KIF13B: variants seen among roughly 807,000 people sequenced by gnomAD.
KIF13B encodes kinesin family member 13B, also known as kinesin-like protein KIF13B.
Under a neutral mutation model 222.0 loss-of-function variants are expected in KIF13B, and 127 were observed. The ratio of observed to expected loss-of-function variants is 0.57; its 90% CI spans 0.50 to 0.66. The LOEUF is 0.66. Among genes scored for constraint, KIF13B ranks in the 30% least tolerant of loss-of-function variants. The pLI is 0.00. For missense variants in KIF13B, 2,173 were observed against 2,379.0 expected (o/e 0.91, Z 1.80); for synonymous variants, 976 against 919.0 (o/e 1.06, Z -1.12).
chr8:29,177,103 T>G (rs773548971), intron 9 of KIF13B, among the ~76,000 whole-genome samples: 8 of 152,132 alleles, frequency 5.3e-5, no homozygotes, highest in Non-Finnish European at 8.8e-5. Flanking sequence ...GCCATGGTTG[T>G]TGAAAGTGAG....
intron 24 of KIF13B, among the ~76,000 whole-genome samples, chr8:29,129,876 C>T (rs1008014961): frequency 6.6e-6 from 1 of 152,152 alleles, no homozygotes; most frequent in Non-Finnish European, 1.5e-5. Context: ...TCACACTAAT[C>T]TCATGAAGGT....
At chr8:29,138,383 C>T (rs1197029260) in intron 21 of KIF13B, 4 of 149,760 alleles carry the variant, frequency 2.7e-5, no homozygotes, top group African/African-American at 9.8e-5. Flanking sequence ...AGAGATGCAA[C>T]ATTTATCCTT....
intron 36 of KIF13B, among the ~76,000 whole-genome samples, chr8:29,097,588 C>A (rs1465679838): frequency 6.6e-6 from 1 of 151,768 alleles, no homozygotes; most frequent in Non-Finnish European, 1.5e-5. Flanking sequence ...AGATTACCCC[C>A]AAAAATAAAA....
intron 2 of KIF13B, among the ~76,000 whole-genome samples, chr8:29,203,856 T>C (rs1371782395): frequency 1.6e-5 from 2 of 128,920 alleles, no homozygotes; most frequent in Non-Finnish European, 3.1e-5. Context: ...ATCACACCAC[T>C]GCACTCCAGC....
chr8:29,181,684 C>T (rs1462531521), intron 7 of KIF13B, among the ~76,000 whole-genome samples: 2 of 152,166 alleles, frequency 1.3e-5, no homozygotes, highest in African/African-American at 2.4e-5. Context: ...GATTCCAAAC[C>T]CACTTTAGAT....
intron 5 of KIF13B, among the ~76,000 whole-genome samples, chr8:29,187,213 A>G (rs1355351303): frequency 6.6e-6 from 1 of 152,298 alleles, no homozygotes; most frequent in East Asian, 1.9e-4. Context: ...AAACTAAAGA[A>G]TAATCTTTTT....
At chr8:29,189,094 T>C (rs1813066190) in intron 4 of KIF13B, among the ~76,000 whole-genome samples, 1 of 152,054 alleles carries the variant, frequency 6.6e-6, no homozygotes, top group Admixed American at 6.6e-5. Flanking sequence ...GCCTGGAAAT[T>C]TCCCTCAGCT....
chr8:29,123,284 C>T (rs762704957), intron 28 of KIF13B, 82 bp downstream of exon 28: 128 of 1,523,154 alleles, frequency 8.4e-5, no homozygotes, highest in Admixed American at 1.8e-4. Flanking sequence ...TTCCATTAAC[C>T]GTAGCACACG....
chr8:29,251,945 TCAAGCTTTACAGTACTCAGAAC>T (rs1258518907), intron 1 of KIF13B, among the ~76,000 whole-genome samples: 1 of 147,824 alleles, frequency 6.8e-6, no homozygotes, highest in Admixed American at 6.9e-5. Context: ...TCATGAGTAA[TCAAGCTTTACAGTACTCAGAAC>T]CACAAATGCT....
chr8:29,115,099 T>G (rs1809532280), intron 31 of KIF13B, among the ~76,000 whole-genome samples: 1 of 152,168 alleles, frequency 6.6e-6, no homozygotes, highest in Admixed American at 6.5e-5. Flanking sequence ...TTTCAAAGAT[T>G]GATATCAGTG....
At position 29,072,033 on chromosome 8, in the gene KIF13B, TC is replaced by T; in HGVS notation, c.4804del (p.Glu1602SerfsTer27). On this transcript the variant is annotated frameshift_variant, in exon 39 of 40. Coordinates refer to ENST00000524189, the MANE Select transcript of KIF13B (RefSeq NM_015254.4). LOFTEE classifies it high-confidence loss of function. Reference protein sequence around the residue: ...PGSMPTAPEAEPEAPISHPPP... With the variant: ...PGSMPTAPEAXPEAPISHPPP... ...GGGGTGGCTGATGGGCGCCTCGGGC[TC>T]GGCCTCAGGGGCGGTGGGCATGGAC... 7.7e-7 allele frequency: 1 copy of T among 1,297,078 alleles called. No individual in the cohort carries two copies. The highest frequency in any genetic ancestry group is 2.5e-5 in the South Asian group (1 of 40,286). The allele number at this position is 1,297,078 out of a possible 1,614,324, so 80.3% of individuals were successfully genotyped here.
intron 12 of KIF13B, among the ~76,000 whole-genome samples, chr8:29,163,260 A>G (rs1387915261): frequency 6.6e-6 from 1 of 152,248 alleles, no homozygotes; most frequent in East Asian, 1.9e-4. Flanking sequence ...AACAGGGACT[A>G]AAACTATACA....
chr8:29,155,861 GA>G lies in KIF13B; in HGVS notation c.1405-6del. On this transcript the variant is annotated splice_polypyrimidine_tract_variant and splice_region_variant and intron_variant, in intron 13 of 39. Transcript: ENST00000524189. ...TGACCCTATCAATGTATGTTCCTAA[GA>G]AAAAACCAAATTCACTGATTAATAC... 2 of 1,561,766 alleles carry G rather than the reference GA, an allele frequency of 1.3e-6. No individual in the cohort carries two copies. The highest frequency in any genetic ancestry group is 1.2e-5 in the South Asian group (1 of 85,338).
At position 29,090,916 on chromosome 8, in the gene KIF13B, C is replaced by T. The variant is rs113938523; in HGVS notation, c.4458+1829G>A. ...TTTTTGTAGTAAAGACAGGGTTTCG[C>T]CATGTTGGCCAGGCTGGTCTCAAAT... On this transcript the variant is annotated intron_variant, in intron 37 of 39. Coordinates refer to ENST00000524189, the MANE Select transcript of KIF13B (RefSeq NM_015254.4). 3.2e-3 allele frequency among the ~76,000 whole-genome samples: 483 copies of T among 152,294 alleles called. 1 individual carries two copies. The highest frequency in any genetic ancestry group is 5.0e-3 in the Non-Finnish European group (343 of 68,020).
intron 29 of KIF13B, among the ~76,000 whole-genome samples, chr8:29,121,050 G>A (rs1809834619): frequency 6.7e-6 from 1 of 148,238 alleles, no homozygotes; most frequent in African/African-American, 2.5e-5. Flanking sequence ...TTGTAAATTT[G>A]TTTGAGTTCA....
At chr8:29,167,090 T>G (rs1812035246) in intron 11 of KIF13B, among the ~76,000 whole-genome samples, 1 of 152,176 alleles carries the variant, frequency 6.6e-6, no homozygotes, top group African/African-American at 2.4e-5. Context: ...CCTCTCCTAT[T>G]CTATTATACC....
intron 37 of KIF13B, among the ~76,000 whole-genome samples, chr8:29,082,989 C>T (rs1807879567): frequency 6.6e-6 from 1 of 152,118 alleles, no homozygotes; most frequent in Non-Finnish European, 1.5e-5. Context: ...ATTAGCCAGC[C>T]ATGGCGGTGT....
Position 29,127,300 on chromosome 8 carries a change from C to T in KIF13B, c.3076-32G>A, listed in dbSNP as rs1810156244. 3.1e-6 allele frequency: 5 copies of T among 1,596,612 alleles called. No homozygotes were observed. In the East Asian group the frequency reaches 1.1e-4, roughly 36 times the overall value. On this transcript the variant is annotated intron_variant, in intron 24 of 39. Coordinates refer to ENST00000524189, the MANE Select transcript of KIF13B (RefSeq NM_015254.4). ...CACAGACAATTTAGAGTCTTAAAATCAGTGTCTTGATTTCCAAAAATTTGA... is the reference window on the plus strand; with the variant it reads ...CACAGACAATTTAGAGTCTTAAAATTAGTGTCTTGATTTCCAAAAATTTGA...
intron 2 of KIF13B, among the ~76,000 whole-genome samples, chr8:29,237,144 A>G (rs1049840877): frequency 1.3e-5 from 2 of 152,144 alleles, no homozygotes; most frequent in Non-Finnish European, 2.9e-5. Flanking sequence ...TTCCTCAAGG[A>G]ATACTGCTCC....
Sources: allele counts gnomAD v4.1 joint callset (sites outside exome capture counted in the v4.1 genomes callset), GRCh38; gene constraint gnomAD v4.1.1; transcripts MANE v1.5; gene names NCBI Gene and HGNC (gene_info 2026-07-23, HGNC 2026-07-21).